The following DZIP3 variants were observed in gnomAD, a reference collection of about 807,000 sequenced individuals.
DZIP3 encodes the protein E3 ubiquitin-protein ligase DZIP3.
Under a neutral mutation model 162.0 loss-of-function variants are expected in DZIP3, and 118 were observed. That is an observed-to-expected ratio of 0.73 (90% CI 0.63 to 0.85). The LOEUF is 0.85. Ranked by LOEUF, DZIP3 falls within the 40% of genes least tolerant of loss-of-function variation. DZIP3 has a pLI of 0.00. For synonymous variants in DZIP3, 438 were observed against 458.6 expected (o/e 0.96, Z 0.57); for missense variants, 1,331 against 1,407.0 (o/e 0.95, Z 0.86).
chr3:108,602,883 CT>C (rs1370154752), intron 1 of DZIP3: 4 of 152,178 alleles, frequency 2.6e-5, no homozygotes. Flanking sequence ...CCTGGAAAAC[CT>C]TTCATCACAG....
rs1304072878 is a variant in DZIP3, at chr3:108,688,674, A to G, written c.3352A>G (p.Lys1118Glu). 6.2e-7 allele frequency: 1 copy of G among 1,614,096 alleles called. No homozygotes were observed. The highest frequency in any genetic ancestry group is 8.5e-7 in the Non-Finnish European group (1 of 1,179,998). ...ACAGCCTGATGCTGCCCAGCCCCCA[A>G]AACCAGCCTGGAGGCCACTCACTTC... is the stretch of plus-strand genomic sequence containing the variant. The part of the protein sequence containing the change: ...PSQPDAAQPP[K>E]PAWRPLTSQG... The change falls in exon 30 of 33, where the codon AAA (lysine) becomes GAA (glutamate). Residue 1118 changes from lysine (K) to glutamate (E), a missense_variant. Coordinates refer to ENST00000361582, the MANE Select transcript of DZIP3 (RefSeq NM_014648.4).
rs2107493626 is a variant in DZIP3 at position 108,608,169 on chromosome 3, G to A, written c.102+11G>A. On this transcript the variant is annotated intron_variant, in intron 3 of 32. Coordinates refer to ENST00000361582, the MANE Select transcript of DZIP3 (RefSeq NM_014648.4). Reference sequence around the variant, plus strand: ...TCATCTGGTCAACTGGTAAGAGAAAGTTTAATTTTCATTAACTGTTAGTTA... The same window carrying A: ...TCATCTGGTCAACTGGTAAGAGAAAATTTAATTTTCATTAACTGTTAGTTA... 3 of 1,599,416 alleles carry A rather than the reference G, an allele frequency of 1.9e-6. No individual in the cohort carries two copies. The highest frequency in any genetic ancestry group is 2.6e-6 in the Non-Finnish European group (3 of 1,169,494).
chr3:108,688,951 C>T, intron 31 of DZIP3, 27 bp downstream of exon 31: 2 of 1,593,878 alleles, frequency 1.3e-6, no homozygotes, highest in South Asian at 1.1e-5. Context: ...TCCCATTAAT[C>T]AGCTAAATGA....
chr3:108,598,622 A>G (rs1009815816), intron 1 of DZIP3, among the ~76,000 whole-genome samples: 8 of 152,178 alleles, frequency 5.3e-5, no homozygotes, highest in Non-Finnish European at 7.3e-5. Flanking sequence ...GCAAGCTTTC[A>G]TTGGTGGTGG....
intron 18 of DZIP3, among the ~76,000 whole-genome samples, chr3:108,653,468 A>C (rs564343366): frequency 3.4e-4 from 50 of 147,262 alleles, no homozygotes; most frequent in Non-Finnish European, 5.4e-4. Context: ...AATTTTAGAA[A>C]AAAGTGTAGA....
chr3:108,657,015 A>T (rs1943159571), intron 19 of DZIP3, among the ~76,000 whole-genome samples: 1 of 152,238 alleles, frequency 6.6e-6, no homozygotes, highest in South Asian at 2.1e-4. Flanking sequence ...TGATTGGTGT[A>T]CCTGAAAGTG....
intron 19 of DZIP3, among the ~76,000 whole-genome samples, chr3:108,660,195 A>C (rs1027803305): frequency 3.3e-5 from 5 of 152,222 alleles, no homozygotes; most frequent in African/African-American, 9.7e-5. Flanking sequence ...ATCCTAAGGC[A>C]CAAGAACAAA....
At chr3:108,672,896 T>A (rs1209267486) in intron 23 of DZIP3, among the ~76,000 whole-genome samples, 1 of 151,932 alleles carries the variant, frequency 6.6e-6, no homozygotes, top group Non-Finnish European at 1.5e-5. Flanking sequence ...AAGAAATTGG[T>A]CTGTTACAGT....
intron 22 of DZIP3, among the ~76,000 whole-genome samples, chr3:108,671,813 C>T (rs1943936244): frequency 6.6e-6 from 1 of 151,932 alleles, no homozygotes; most frequent in Non-Finnish European, 1.5e-5. Context: ...ATTTTCACAG[C>T]AGCTCTTTGA....
At chr3:108,684,161 AT>A (rs1404518827) in intron 26 of DZIP3, 54 bp from the exon 27 acceptor site, 66 of 1,542,898 alleles carry the variant, frequency 4.3e-5, no homozygotes, top group Non-Finnish European at 5.5e-5. Flanking sequence ...CTAAATAAAT[AT>A]ATAAATATGT....
intron 18 of DZIP3, among the ~76,000 whole-genome samples, chr3:108,652,277 ATTAT>A (rs1235991781): frequency 1.4e-4 from 22 of 151,788 alleles, no homozygotes; most frequent in Admixed American, 6.6e-5. Flanking sequence ...TGATTCAACA[ATTAT>A]TTATGTTTTT....
intron 23 of DZIP3, among the ~76,000 whole-genome samples, chr3:108,673,746 C>T (rs2107358928): frequency 6.6e-6 from 1 of 152,008 alleles, no homozygotes; most frequent in South Asian, 2.1e-4. Flanking sequence ...AATGCCAATG[C>T]CCAAGCTATA....
At chr3:108,626,105 T>A in intron 7 of DZIP3, 136 bp downstream of exon 7, 1 of 1,014,764 alleles carries the variant, frequency 9.9e-7, no homozygotes, top group Non-Finnish European at 1.4e-6. Flanking sequence ...TGCCTATTTG[T>A]ATAGATAATT....
intron 22 of DZIP3, among the ~76,000 whole-genome samples, chr3:108,671,811 A>G (rs1943936061): frequency 6.6e-6 from 1 of 151,990 alleles, no homozygotes; most frequent in African/African-American, 2.4e-5. Flanking sequence ...TAATTTTCAC[A>G]GCAGCTCTTT....
chr3:108,669,570 G>GC (rs1943843176), intron 21 of DZIP3, 111 bp from the exon 22 acceptor site: 1 of 848,984 alleles, frequency 1.2e-6, no homozygotes, highest in African/African-American at 1.7e-5. Context: ...AAGATTTGTG[G>GC]CCCCAAATGG....
Position 108,634,873 on chromosome 3 carries a change from A to AT in DZIP3, c.825dup (p.Gln276SerfsTer6), listed in dbSNP as rs901358284. ...AACTTACTTTTATTTTTTTCCAGGG[A>AT]TTTTTTCAGTTAATGTGCAGTAAAA... On this transcript the variant is annotated frameshift_variant, in exon 10 of 33. Coordinates refer to ENST00000361582, the MANE Select transcript of DZIP3 (RefSeq NM_014648.4). LOFTEE classifies it high-confidence loss of function. 3.8e-6 allele frequency: 6 copies of AT among 1,596,298 alleles called. No individual in the cohort carries two copies. The highest frequency in any genetic ancestry group is 5.1e-6 in the Non-Finnish European group (6 of 1,170,772).
intron 25 of DZIP3, among the ~76,000 whole-genome samples, chr3:108,676,866 G>A (rs148677700): frequency 5.3e-5 from 8 of 152,108 alleles, no homozygotes; most frequent in African/African-American, 9.6e-5. Flanking sequence ...CAGTTCCTAC[G>A]CGTTCTTTAC....
At chr3:108,631,055 A>ACACTCTCTCTCTCTCTCTCTCTCTCTCT in intron 8 of DZIP3, among the ~76,000 whole-genome samples, 1 of 18,004 alleles carries the variant, frequency 5.6e-5, no homozygotes. Context: ...ACACACACAC[A>ACACTCTCTCTCTCTCTCTCTCTCTCTCT]CTCTCTCTCT....
intron 18 of DZIP3, among the ~76,000 whole-genome samples, chr3:108,651,808 G>T (rs543143864): frequency 2.0e-5 from 3 of 151,898 alleles, no homozygotes; most frequent in Non-Finnish European, 4.4e-5. Flanking sequence ...CTAATGAAGA[G>T]ATCATTATTC....
Sources: allele counts gnomAD v4.1 joint callset (sites outside exome capture counted in the v4.1 genomes callset), GRCh38; gene constraint gnomAD v4.1.1; transcripts MANE v1.5; gene names NCBI Gene and HGNC (gene_info 2026-07-23, HGNC 2026-07-21).